The following GMPR variants were observed in gnomAD, a reference collection of about 807,000 sequenced individuals.
GMPR encodes guanosine monophosphate reductase.
In GMPR, 31 loss-of-function variants were observed where a neutral mutation model predicts 38.4. The observed-to-expected ratio is 0.81, with a 90% CI of 0.61 to 1.09. GMPR has a LOEUF of 1.09. GMPR is among the 50% of genes least tolerant of loss of function. GMPR has a pLI of 0.00. For synonymous variants in GMPR, 162 were observed against 173.3 expected (o/e 0.93, Z 0.51); for missense variants, 468 against 453.7 (o/e 1.03, Z -0.29).
intron 4 of GMPR, chr6:16,264,489 C>T (rs987278678): frequency 2.4e-5 from 4 of 164,084 alleles, no homozygotes; most frequent in South Asian, 1.8e-4. Context: ...ATTTCATGTG[C>T]GTCCGTGTGA....
At chr6:16,250,523 T>C (rs1223462469) in intron 3 of GMPR, among the ~76,000 whole-genome samples, 156 bp downstream of exon 3, 2 of 152,252 alleles carry the variant, frequency 1.3e-5, no homozygotes, top group East Asian at 3.8e-4. Context: ...AGAAAACTTG[T>C]TTCCATATTG....
At chr6:16,288,207 C>T (rs926620004) in intron 7 of GMPR, among the ~76,000 whole-genome samples, 2 of 152,262 alleles carry the variant, frequency 1.3e-5, no homozygotes, top group African/African-American at 4.8e-5. Flanking sequence ...CCTTTCTGAG[C>T]TGGCCAAGGC....
At chr6:16,257,127 G>GTTAATAT (rs1758996936) in intron 4 of GMPR, among the ~76,000 whole-genome samples, 1 of 152,168 alleles carries the variant, frequency 6.6e-6, no homozygotes, top group African/African-American at 2.4e-5. Flanking sequence ...AGGGGAGAGG[G>GTTAATAT]CTGGAAGTAG....
At chr6:16,276,316 T>G (rs1024954402) in intron 5 of GMPR, among the ~76,000 whole-genome samples, 25 of 152,032 alleles carry the variant, frequency 1.6e-4, no homozygotes, top group Non-Finnish European at 2.6e-4. Flanking sequence ...ATTACAGGCA[T>G]GCACCACCAT....
At chr6:16,261,783 A>AGGG (rs764043841) in intron 4 of GMPR, among the ~76,000 whole-genome samples, 1 of 151,910 alleles carries the variant, frequency 6.6e-6, no homozygotes, top group Non-Finnish European at 1.5e-5. Context: ...TGAGATGGTA[A>AGGG]GGGGTGCATG....
At position 16,238,624 on chromosome 6, in the gene GMPR, TCCCCGCGCCG is replaced by T. The variant is rs1335039954; in HGVS notation, c.-61_-52del. 5.8e-6 allele frequency: 3 copies of T among 517,042 alleles called. No homozygotes were observed. The African/African-American group carries it at 6.3e-5, about 11-fold the overall frequency. 32.0% of individuals were successfully genotyped at this position (517,042 alleles called of 1,614,324 possible). On this transcript the variant is annotated 5_prime_UTR_variant, in exon 1 of 9. Transcript: ENST00000259727. ...GGCCGCGGCACAGCAGCCCCGGCGC[TCCCCGCGCCG>T]CCCCGCGCAGGCGCCCCCGCCCCGC...
intron 7 of GMPR, chr6:16,289,663 C>A (rs118123426): frequency 9.1e-6 from 1 of 110,390 alleles, no homozygotes; most frequent in Admixed American, 8.8e-5. Context: ...ACGGGGACTT[C>A]TTTCCTTGAA....
At chr6:16,286,227 C>A (rs1759675048) in intron 7 of GMPR, among the ~76,000 whole-genome samples, 1 of 152,074 alleles carries the variant, frequency 6.6e-6, no homozygotes, top group African/African-American at 2.4e-5. Context: ...GCAGCGGTTT[C>A]TCCCTGGAGG....
rs771506406 is a variant in GMPR, at chr6:16,254,617, T to C, written c.347T>C (p.Ile116Thr). The stretch of plus-strand genomic sequence containing the variant: ...AATGATCTGGAAAAGATGACCAGCA[T>C]CCTGGAAGCTGTGCCACAGGTTAAG... ...GQNDLEKMTSILEAVPQVKFI... is the reference protein window; with the variant it reads ...GQNDLEKMTSTLEAVPQVKFI... The change falls in exon 4 of 9, where the codon ATC becomes ACC. Residue 116 changes from isoleucine to threonine, a missense_variant. By Grantham distance (89) the Ile-to-Thr change is moderately conservative. Transcript: ENST00000259727. 3 of 1,613,940 alleles carry C rather than the reference T, an allele frequency of 1.9e-6. No individual in the cohort carries two copies. The Admixed American group carries it at 5.0e-5, about 27-fold the overall frequency.
intron 1 of GMPR, among the ~76,000 whole-genome samples, chr6:16,240,456 C>T (rs552795994): frequency 2.6e-5 from 4 of 152,246 alleles, no homozygotes; most frequent in South Asian, 2.1e-4. Context: ...ATGGCTTGAG[C>T]CCACGAGCTG....
At position 16,294,994 on chromosome 6, in the gene GMPR, A is replaced by G. The variant is rs370122556; in HGVS notation, c.858-12A>G. On this transcript the variant is annotated splice_polypyrimidine_tract_variant and intron_variant, in intron 8 of 8. Transcript: ENST00000259727. ...GAAACTAGATAAAAAGAAAACTTCT[A>G]TCGTCTTCCAGAGCCTCTGAGGGTA... The G allele has an allele frequency of 2.6e-5, 41 of 1,601,956 alleles. No homozygotes were observed. In the South Asian group the frequency reaches 3.3e-4, roughly 13 times the overall value.
At chr6:16,266,666 C>G (rs1015098745) in intron 4 of GMPR, among the ~76,000 whole-genome samples, 2 of 151,242 alleles carry the variant, frequency 1.3e-5, no homozygotes, top group African/African-American at 2.4e-5. Context: ...AAAAAATTAG[C>G]CGGGCGCAGT....
chr6:16,254,807 C>A, intron 4 of GMPR, 72 bp downstream of exon 4: 2 of 1,080,670 alleles, frequency 1.9e-6, no homozygotes, highest in Non-Finnish European at 1.4e-6. Flanking sequence ...TTCAATGTGT[C>A]GGGGGAGCTG....
At chr6:16,266,243 T>G (rs1561827117) in intron 4 of GMPR, among the ~76,000 whole-genome samples, 1 of 151,840 alleles carries the variant, frequency 6.6e-6, no homozygotes, top group Non-Finnish European at 1.5e-5. Flanking sequence ...GCACCACCTT[T>G]AAGAGCTGTA....
At chr6:16,251,957 T>G (rs1758884301) in intron 3 of GMPR, among the ~76,000 whole-genome samples, 1 of 152,178 alleles carries the variant, frequency 6.6e-6, no homozygotes, top group Non-Finnish European at 1.5e-5. Flanking sequence ...CTCCCTGGGT[T>G]AGAGGTGTTC....
At chr6:16,277,341 C>T (rs957256665) in intron 5 of GMPR, among the ~76,000 whole-genome samples, 1 of 152,202 alleles carries the variant, frequency 6.6e-6, no homozygotes, top group Non-Finnish European at 1.5e-5. Flanking sequence ...CTAAAGACCC[C>T]TGGCAGAAAT....
intron 3 of GMPR, among the ~76,000 whole-genome samples, chr6:16,253,351 GA>G (rs1581649194): frequency 1.3e-5 from 2 of 152,348 alleles, no homozygotes; most frequent in East Asian, 3.9e-4. Flanking sequence ...AATTTATAAA[GA>G]AAAGAGATCT....
intron 4 of GMPR, among the ~76,000 whole-genome samples, chr6:16,271,644 A>G (rs1759388794): frequency 6.6e-6 from 1 of 152,112 alleles, no homozygotes; most frequent in Non-Finnish European, 1.5e-5. Context: ...TCAGGGACAG[A>G]GCTCATGCTG....
At chr6:16,266,680 G>A (rs536097613) in intron 4 of GMPR, among the ~76,000 whole-genome samples, 2 of 150,386 alleles carry the variant, frequency 1.3e-5, no homozygotes, top group African/African-American at 4.9e-5. Context: ...GCGCAGTGGC[G>A]GGCGCCTGTA....
Sources: gnomAD v4.1 joint callset for allele counts (sites outside exome capture counted in the v4.1 genomes callset) on GRCh38, gnomAD v4.1.1 for gene constraint, MANE v1.5 for transcripts, NCBI Gene and HGNC (gene_info 2026-07-23, HGNC 2026-07-21) for gene names.